Variants in ELFN1 observed in about 807,000 individuals in gnomAD.
ELFN1 encodes protein ELFN1.
In ELFN1, 6 loss-of-function variants were observed where a neutral mutation model predicts 7.6. The observed-to-expected ratio is 0.79, with a 90% CI of 0.43 to 1.56. The LOEUF (loss-of-function observed/expected upper bound fraction) is 1.56, where lower values mean the gene tolerates loss of function less well. Among genes scored for constraint, ELFN1 ranks in the 40% most tolerant of loss-of-function variants. ELFN1 has a pLI of 0.01. For missense variants in ELFN1, 1,169 were observed against 1,232.2 expected (o/e 0.95, Z 0.77); for synonymous variants, 657 against 588.1 (o/e 1.12, Z -1.70).
chr7:1,745,800 C>T lies in ELFN1; in HGVS notation c.1204C>T (p.Leu402=). ...CTGCCTCACCATCTGCTTGCCCCGGCTGCCCAGCCCGCCTGGTCCGGTGCC... is the reference window on the plus strand; with the variant it reads ...CTGCCTCACCATCTGCTTGCCCCGGTTGCCCAGCCCGCCTGGTCCGGTGCC... ...HTCLTICLPR[L]PSPPGPVPSP... Residue 402 remains leucine (L), a synonymous_variant, in exon 4 of 4, where the codon CTG becomes TTG. Coordinates refer to ENST00000424383, the MANE Select transcript of ELFN1 (RefSeq NM_001128636.4). The T allele has an allele frequency of 1.9e-6, 3 of 1,558,838 alleles. No individual in the cohort carries two copies. The highest frequency in any genetic ancestry group is 2.6e-6 in the Non-Finnish European group (3 of 1,153,244).
chr7:1,721,927 CT>C (rs1780034876), intron 3 of ELFN1, among the ~76,000 whole-genome samples: 1 of 152,216 alleles, frequency 6.6e-6, no homozygotes. Context: ...TTTTGTGTGA[CT>C]CACTGCCAGA....
At chr7:1,706,171 T>C (rs549278615) in intron 2 of ELFN1, among the ~76,000 whole-genome samples, 4 of 152,200 alleles carry the variant, frequency 2.6e-5, no homozygotes, top group Non-Finnish European at 5.9e-5. Context: ...ACGCCTGTTA[T>C]CCCAGCACTT....
chr7:1,687,501 A>G (rs963735068), intron 1 of ELFN1, among the ~76,000 whole-genome samples: 2 of 151,880 alleles, frequency 1.3e-5, no homozygotes, highest in African/African-American at 4.8e-5. Flanking sequence ...CCTGATCACT[A>G]CCCTTCTCTC....
In ELFN1 at chr7:1,745,533, G is replaced by T; in HGVS notation, c.937G>T (p.Ala313Ser). The T allele has an allele frequency of 6.5e-7, 1 of 1,547,608 alleles. No individual in the cohort carries two copies. Among genetic ancestry groups the T allele is most frequent in the Non-Finnish European group, 8.7e-7 (1 of 1,146,882 alleles). ...LVALPTLATQ[A>S]EARPLIKVKQ... ...GGCCCTGCCCACGCTGGCCACGCAG[G>T]CCGAGGCCCGCCCCCTCATCAAGGT... The change falls in exon 4 of 4, where the codon GCC becomes TCC. Residue 313 changes from alanine (A) to serine (S), a missense_variant. Physicochemically the swap from Ala to Ser is moderately conservative, Grantham distance 99. Transcript: ENST00000424383.
intron 3 of ELFN1, among the ~76,000 whole-genome samples, chr7:1,737,934 C>A (rs182340471): frequency 3.3e-5 from 5 of 152,312 alleles, no homozygotes; most frequent in Non-Finnish European, 7.4e-5. Flanking sequence ...TGCCGGCCAC[C>A]CCTTCCAGCT....
chr7:1,740,254 C>T lies in ELFN1; in HGVS notation c.-293-4050C>T, dbSNP rs529157286. ...GAGCTCCTTTCAGGCAGTGGGGAGC[C>T]GCCCTCCTGAGGGATGCCTATTGCC... On this transcript the variant is annotated intron_variant, in intron 3 of 3. Coordinates refer to ENST00000424383, the MANE Select transcript of ELFN1 (RefSeq NM_001128636.4). This position sits in a 1 kb window ranked among gnomAD's most constrained non-coding sequence, Gnocchi z 5.0. Among the ~76,000 whole-genome samples, 8 of 152,310 alleles carry T rather than the reference C, an allele frequency of 5.3e-5. No individual in the cohort carries two copies. The highest frequency in any genetic ancestry group is 1.9e-4 in the African/African-American group (8 of 41,568).
At chr7:1,704,588 G>A (rs1203267000) in intron 2 of ELFN1, among the ~76,000 whole-genome samples, 1 of 152,058 alleles carries the variant, frequency 6.6e-6, no homozygotes. Context: ...GCAGTACTAG[G>A]TGGGGGTCAG....
At chr7:1,715,529 C>G (rs961818491) in intron 3 of ELFN1, among the ~76,000 whole-genome samples, 1 of 152,228 alleles carries the variant, frequency 6.6e-6, no homozygotes, top group Admixed American at 6.5e-5. Context: ...CTCCCCAGCA[C>G]CTGGGTCTCC....
intron 3 of ELFN1, among the ~76,000 whole-genome samples, chr7:1,727,064 C>A (rs1044677142): frequency 6.6e-6 from 1 of 152,204 alleles, no homozygotes; most frequent in Non-Finnish European, 1.5e-5. Context: ...CGCGTGTTCT[C>A]TTCAGCACTC....
intron 1 of ELFN1, among the ~76,000 whole-genome samples, chr7:1,679,454 G>A (rs924219435): frequency 6.6e-6 from 1 of 152,206 alleles, no homozygotes; most frequent in African/African-American, 2.4e-5. Context: ...CAGTCCCGGG[G>A]CCTGCTCTGG....
intron 2 of ELFN1, among the ~76,000 whole-genome samples, chr7:1,700,151 C>T (rs762044557): frequency 2.0e-5 from 3 of 152,202 alleles, no homozygotes; most frequent in Non-Finnish European, 2.9e-5. Flanking sequence ...GGGTGAAAGG[C>T]CCGACATCCC....
At chr7:1,676,177 C>T (rs1422812507) in intron 1 of ELFN1, among the ~76,000 whole-genome samples, 2 of 152,290 alleles carry the variant, frequency 1.3e-5, no homozygotes, top group African/African-American at 4.8e-5. Context: ...CTCCAGGGCA[C>T]CCTGGAGAGG....
At chr7:1,743,277 G>C (rs11978104) in intron 3 of ELFN1, among the ~76,000 whole-genome samples, 24 of 152,332 alleles carry the variant, frequency 1.6e-4, no homozygotes, top group African/African-American at 5.3e-4. Flanking sequence ...GAGACCCTCA[G>C]GGTCCAGTGG....
At chr7:1,684,993 T>C (rs1164580448) in intron 1 of ELFN1, among the ~76,000 whole-genome samples, 1 of 152,238 alleles carries the variant, frequency 6.6e-6, no homozygotes, top group Non-Finnish European at 1.5e-5. Context: ...GACATTTCCT[T>C]TCAGCCTAAA....
intron 2 of ELFN1, among the ~76,000 whole-genome samples, chr7:1,701,379 G>A (rs1036086001): frequency 2.0e-5 from 3 of 152,166 alleles, no homozygotes; most frequent in African/African-American, 7.2e-5. Flanking sequence ...TGTAGACACG[G>A]TGTCTTCTTT....
At chr7:1,687,453 T>C (rs1026357532) in intron 1 of ELFN1, among the ~76,000 whole-genome samples, 1 of 152,038 alleles carries the variant, frequency 6.6e-6, no homozygotes, top group African/African-American at 2.4e-5. Context: ...GAAATAAAAA[T>C]GATACTTGTA....
chr7:1,710,725 G>A (rs181971991), intron 3 of ELFN1, among the ~76,000 whole-genome samples: 184 of 152,334 alleles, frequency 1.2e-3, no homozygotes, highest in Non-Finnish European at 2.1e-3. Context: ...ACAAAGGCTG[G>A]CAGGTGATGG....
intron 2 of ELFN1, among the ~76,000 whole-genome samples, 161 bp from the exon 3 acceptor site, chr7:1,708,930 C>G (rs1297208917): frequency 6.6e-6 from 1 of 152,294 alleles, no homozygotes; most frequent in African/African-American, 2.4e-5. Flanking sequence ...CAGGAAGTCC[C>G]CAGCCTCTCT....
intron 2 of ELFN1, chr7:1,693,144 T>C (rs1779209005): frequency 5.7e-6 from 2 of 351,936 alleles, no homozygotes; most frequent in Admixed American, 7.4e-5. Context: ...TGACTGCCCA[T>C]GCAGACCCCT....
Sources: gnomAD v4.1 joint callset for allele counts (sites outside exome capture counted in the v4.1 genomes callset) on GRCh38, gnomAD v4.1.1 for gene constraint, Gnocchi (gnomAD v3.1) non-coding constraint, MANE v1.5 for transcripts, NCBI Gene and HGNC (gene_info 2026-07-23, HGNC 2026-07-21) for gene names.